The following SYDE1 variants were observed in gnomAD, a reference collection of about 807,000 sequenced individuals.
The protein encoded by SYDE1 is rho GTPase-activating protein SYDE1.
SYDE1 carries 34 observed loss-of-function variants against 63.3 expected under a neutral mutation model. That is an observed-to-expected ratio of 0.54 (90% CI 0.41 to 0.71). The LOEUF (loss-of-function observed/expected upper bound fraction) is 0.71. Ranked by LOEUF, SYDE1 falls within the 30% of genes least tolerant of loss-of-function variation. The pLI is 0.00. For synonymous variants in SYDE1, 467 were observed against 473.4 expected (o/e 0.99, Z 0.18); for missense variants, 925 against 1,042.5 (o/e 0.89, Z 1.55).
chr19:15,110,115 C>G lies in SYDE1; in HGVS notation c.842C>G (p.Ala281Gly). The G allele has an allele frequency of 7.1e-7, 1 of 1,408,772 alleles. No individual in the cohort carries two copies. The highest frequency in any genetic ancestry group is 9.2e-7 in the Non-Finnish European group (1 of 1,088,442). The allele number at this position is 1,408,772 out of a possible 1,614,324, so 87.3% of individuals were successfully genotyped here. Residue 281 changes from alanine to glycine, a missense_variant, in exon 3 of 8, where the codon GCG (alanine) becomes GGG (glycine). Around this residue, in one of 3 missense-constraint regions of SYDE1, gnomAD observed 599 missense variants for 653.7 expected, o/e 0.92. Coordinates refer to ENST00000342784, the MANE Select transcript of SYDE1 (RefSeq NM_033025.6). This position sits in a 1 kb window ranked among gnomAD's most constrained non-coding sequence, Gnocchi z 6.9. ...HLYGLGGLRP[A>G]PGATPRDLCC... ...TACGGTCTCGGGGGGCTGCGGCCAG[C>G]GCCGGGGGCCACCCCCAGGGACCTC...
rs772069800 is a variant in SYDE1 at position 15,109,275 on chromosome 19, C to A, written c.308C>A (p.Thr103Asn). The A allele has an allele frequency of 1.9e-6, 3 of 1,611,638 alleles. No homozygotes were observed. The highest frequency in any genetic ancestry group is 1.3e-5 in the African/African-American group (1 of 75,004). ...DTSLGPGVPG[T>N]GEPAGEIWYN... ...TCTTTAGGGCCTGGGGTACCTGGCA[C>A]TGGGGAGCCCGCCGGCGAGATCTGG... The change falls in exon 2 of 8, where the codon ACT becomes AAT. Residue 103 changes from threonine to asparagine, a missense_variant. Thr to Asn is a moderately conservative substitution (Grantham distance 65, BLOSUM62 0). Around this residue, in one of 3 missense-constraint regions of SYDE1, gnomAD observed 599 missense variants for 653.7 expected, o/e 0.92. Coordinates refer to ENST00000342784, the MANE Select transcript of SYDE1 (RefSeq NM_033025.6). The surrounding 1 kb of genome is among the most constrained non-coding windows in gnomAD (Gnocchi z 5.0).
Position 15,109,070 on chromosome 19 carries a change from C to T in SYDE1, c.103C>T (p.Arg35Cys), listed in dbSNP as rs2046323834. ...DAKERGHPAQRPEPSPPEPEP... is the reference protein window; with the variant it reads ...DAKERGHPAQCPEPSPPEPEP... ...CTCTCTGCCAGGCCACCCAGCCCAGCGCCCAGAGCCCAGCCCTCCAGAGCC... is the reference window on the plus strand; with the variant it reads ...CTCTCTGCCAGGCCACCCAGCCCAGTGCCCAGAGCCCAGCCCTCCAGAGCC... Residue 35 changes from arginine to cysteine, a missense_variant, in exon 2 of 8, where the codon CGC (arginine) becomes TGC (cysteine). This residue lies in a region of SYDE1 where 599 missense variants were observed against 653.7 expected (regional missense o/e 0.92). Coordinates refer to ENST00000342784, the MANE Select transcript of SYDE1 (RefSeq NM_033025.6). This position sits in a 1 kb window ranked among gnomAD's most constrained non-coding sequence, Gnocchi z 5.0. 1.3e-6 allele frequency: 2 copies of T among 1,501,636 alleles called. No homozygotes were observed. Among genetic ancestry groups the T allele is most frequent in the Non-Finnish European group, 1.8e-6 (2 of 1,129,484 alleles). 93.0% of individuals were successfully genotyped at this position (1,501,636 alleles called of 1,614,324 possible). A position where few individuals can be genotyped will look rare whatever the true frequency, so the allele number is the denominator to read the frequency against.
Position 15,109,425 on chromosome 19 carries a change from C to A in SYDE1, c.430+28C>A. The A allele has an allele frequency of 6.6e-7, 1 of 1,510,826 alleles. No homozygotes were observed. Among genetic ancestry groups the A allele is most frequent in the East Asian group, 2.3e-5 (1 of 43,430 alleles). 93.6% of individuals were successfully genotyped at this position (1,510,826 alleles called of 1,614,324 possible). A position where few individuals can be genotyped will look rare whatever the true frequency, so the allele number is the denominator to read the frequency against. On this transcript the variant is annotated intron_variant, in intron 2 of 7. Transcript: ENST00000342784. The surrounding 1 kb of genome is among the most constrained non-coding windows in gnomAD (Gnocchi z 5.0). The stretch of plus-strand genomic sequence containing the variant: ...AAGAACAAGCTTCCCATCCCCTTCC[C>A]CAAGGTGAGCACCAGCTCCACATCC...
chr19:15,110,307 CCTGTGCCCAGGGCACCGTG>C lies in SYDE1; in HGVS notation c.1038_1056del (p.Ala347CysfsTer27). ...GACCCTGGCGTGAGAAGGCACCGGC[CCTGTGCCCAGGGCACCGTG>C]CTGCTGCCCACGGTCTTCCGAGGTA... On this transcript the variant is annotated frameshift_variant, in exon 3 of 8. Transcript: ENST00000342784. LOFTEE classifies it high-confidence loss of function. The surrounding 1 kb of genome is among the most constrained non-coding windows in gnomAD (Gnocchi z 6.9). 1 of 1,425,196 alleles carries C rather than the reference CCTGTGCCCAGGGCACCGTG, an allele frequency of 7.0e-7. No homozygotes were observed. Among genetic ancestry groups the C allele is most frequent in the South Asian group, 1.5e-5 (1 of 65,926 alleles). 88.3% of individuals were successfully genotyped at this position (1,425,196 alleles called of 1,614,324 possible). A position where few individuals can be genotyped will look rare whatever the true frequency, so the allele number is the denominator to read the frequency against.
At position 15,113,981 on chromosome 19, in the gene SYDE1, G is replaced by C; in HGVS notation, c.*18G>C. 1.2e-6 allele frequency: 2 copies of C among 1,601,978 alleles called. No individual in the cohort carries two copies. Among genetic ancestry groups the C allele is most frequent in the Non-Finnish European group, 1.7e-6 (2 of 1,172,492 alleles). ...GCCTCTGAGCCAGATGACGGGGTGG[G>C]ACCCCGGTTAGTAAGGACCGGGCGC... On this transcript the variant is annotated 3_prime_UTR_variant, in exon 8 of 8. Coordinates refer to ENST00000342784, the MANE Select transcript of SYDE1 (RefSeq NM_033025.6).
Position 15,114,638 on chromosome 19 carries a change from C to CT in SYDE1, c.*675_*676insT, listed in dbSNP as rs59893213. The CT allele has an allele frequency of 8.4e-5, 12 of 143,606 alleles. No homozygotes were observed. Among genetic ancestry groups the CT allele is most frequent in the Admixed American group, 1.4e-4 (2 of 14,144 alleles). 8.9% of individuals were successfully genotyped at this position (143,606 alleles called of 1,614,324 possible). A position where few individuals can be genotyped will look rare whatever the true frequency, so the allele number is the denominator to read the frequency against. ...CTTGCCCCCCCCTTGCCCCCCCCCC[C>CT]GAAAAAAATTGAGCACTTAAACCCC... is the stretch of plus-strand genomic sequence containing the variant. On this transcript the variant is annotated 3_prime_UTR_variant, in exon 8 of 8. Transcript: ENST00000342784.
rs2046328046 is a variant in SYDE1, at chr19:15,109,528, G to A, written c.430+131G>A. 3 of 1,178,824 alleles carry A rather than the reference G, an allele frequency of 2.5e-6. No individual in the cohort carries two copies. Among genetic ancestry groups the A allele is most frequent in the Admixed American group, 2.9e-5 (1 of 33,948 alleles). 73.0% of individuals were successfully genotyped at this position (1,178,824 alleles called of 1,614,324 possible). A position where few individuals can be genotyped will look rare whatever the true frequency, so the allele number is the denominator to read the frequency against. On this transcript the variant is annotated intron_variant, in intron 2 of 7. Coordinates refer to ENST00000342784, the MANE Select transcript of SYDE1 (RefSeq NM_033025.6). The surrounding 1 kb of genome is among the most constrained non-coding windows in gnomAD (Gnocchi z 5.0). The stretch of plus-strand genomic sequence containing the variant: ...AACCTCACACTCCTTCCCTTCAGGG[G>A]AGCACCAGCCTCACATCCCCACCCC...
chr19:15,107,569 C>A, intron 1 of SYDE1, 48 bp downstream of exon 1: 1 of 1,444,364 alleles, frequency 6.9e-7, no homozygotes, highest in Non-Finnish European at 9.4e-7. Context: ...CCCACCCGGC[C>A]TGGGAGCGGG....
chr19:15,113,747 C>T lies in SYDE1; in HGVS notation c.1992C>T (p.Pro664=), dbSNP rs1599326466. 6.2e-7 allele frequency: 1 copy of T among 1,613,844 alleles called. No homozygotes were observed. The highest frequency in any genetic ancestry group is 8.5e-7 in the Non-Finnish European group (1 of 1,179,886). ...GCGTTTGCGGGCGGGACTTCCTGCC[C>T]TGTGGGCGGGATTTCCTGTCCGGGC... ...DWSVCGRDFL[P]CGRDFLSGPD... Residue 664 remains proline (P), a synonymous_variant, in exon 8 of 8, where the codon CCC becomes CCT. Transcript: ENST00000342784.
rs2046368925 is a variant in SYDE1 at position 15,114,400 on chromosome 19, T to C, written c.*437T>C. 1 of 175,300 alleles carries C rather than the reference T, an allele frequency of 5.7e-6. No individual in the cohort carries two copies. The highest frequency in any genetic ancestry group is 1.2e-5 in the Non-Finnish European group (1 of 82,376). The allele number at this position is 175,300 out of a possible 1,614,324, so 10.9% of individuals were successfully genotyped here. A position where few individuals can be genotyped will look rare whatever the true frequency, so the allele number is the denominator to read the frequency against. The stretch of plus-strand genomic sequence containing the variant: ...TCAGTATTAGCTTTGAGCACTGCAC[T>C]GTTTCTCCCTCCCTTGGACGACACA... On this transcript the variant is annotated 3_prime_UTR_variant, in exon 8 of 8. Transcript: ENST00000342784.
rs552766277 is a variant in SYDE1 at position 15,111,530 on chromosome 19, A to G, written c.1417+91A>G. 175 of 1,597,884 alleles carry G rather than the reference A, an allele frequency of 1.1e-4. No individual in the cohort carries two copies. The African/African-American group carries it at 2.0e-3, about 18-fold the overall frequency. ...GCTCCTCTGGGACCTCAGTCCTCCT[A>G]TCTGACCTTGCTTTCACCCACCTCC... is the stretch of plus-strand genomic sequence containing the variant. On this transcript the variant is annotated intron_variant, in intron 5 of 7. Transcript: ENST00000342784. The surrounding 1 kb of genome is among the most constrained non-coding windows in gnomAD (Gnocchi z 5.5).
In SYDE1 at chr19:15,112,544, C is replaced by T; in HGVS notation, c.1777C>T (p.Leu593=). ...AVDFKHHIEV[L]HYLLQSWPDP... ...GGACTTCAAGCACCACATCGAGGTG[C>T]TGCACTACCTGCTGCAGTCTTGGCC... is the stretch of plus-strand genomic sequence containing the variant. The change falls in exon 7 of 8, where the codon CTG becomes TTG. Residue 593 remains leucine, a synonymous_variant. Transcript: ENST00000342784. 1 of 1,592,264 alleles carries T rather than the reference C, an allele frequency of 6.3e-7. No homozygotes were observed. Among genetic ancestry groups the T allele is most frequent in the Non-Finnish European group, 8.6e-7 (1 of 1,169,082 alleles).
rs1017048843 is a variant in SYDE1, at chr19:15,109,654, C to T, written c.431-50C>T. On this transcript the variant is annotated intron_variant, in intron 2 of 7. Coordinates refer to ENST00000342784, the MANE Select transcript of SYDE1 (RefSeq NM_033025.6). The surrounding 1 kb of genome is among the most constrained non-coding windows in gnomAD (Gnocchi z 5.0). ...CTTCAGGGGAGCACCAGCCTCACCC[C>T]CCTCCCCTAAGCCCAGGTTCCTGGA... 7 of 1,179,906 alleles carry T rather than the reference C, an allele frequency of 5.9e-6. No individual in the cohort carries two copies. The highest frequency in any genetic ancestry group is 5.6e-5 in the Admixed American group (2 of 35,472). 73.1% of individuals were successfully genotyped at this position (1,179,906 alleles called of 1,614,324 possible).
Position 15,110,385 on chromosome 19 carries a change from C to CCAAA in SYDE1, c.1075+38_1075+39insAAAC. 1 of 1,440,530 alleles carries CCAAA rather than the reference C, an allele frequency of 6.9e-7. No individual in the cohort carries two copies. Among genetic ancestry groups the CCAAA allele is most frequent in the Non-Finnish European group, 9.1e-7 (1 of 1,097,712 alleles). The allele number at this position is 1,440,530 out of a possible 1,614,324, so 89.2% of individuals were successfully genotyped here. ...GGCTGCAGGGGAGGAGGGGCAGGGA[C>CCAAA]CCCCAAACCCCACCGCCACCCCCCG... On this transcript the variant is annotated intron_variant, in intron 3 of 7. Transcript: ENST00000342784. The surrounding 1 kb of genome is among the most constrained non-coding windows in gnomAD (Gnocchi z 6.9).
Position 15,113,676 on chromosome 19 carries a change from G to A in SYDE1, c.1921G>A (p.Gly641Arg). 1 of 1,613,298 alleles carries A rather than the reference G, an allele frequency of 6.2e-7. No individual in the cohort carries two copies. The highest frequency in any genetic ancestry group is 8.5e-7 in the Non-Finnish European group (1 of 1,179,824). Residue 641 changes from glycine (G) to arginine (R), a missense_variant, in exon 8 of 8, where the codon GGA (glycine) becomes AGA (arginine). Gly to Arg is a moderately radical substitution (Grantham distance 125). Around this residue, in one of 3 missense-constraint regions of SYDE1, gnomAD observed 255 missense variants for 255.9 expected, o/e 1.00. Coordinates refer to ENST00000342784, the MANE Select transcript of SYDE1 (RefSeq NM_033025.6). ...PEVVTRPRGR[G>R]GPESPPSNRY... ...AGTGGTGACTCGGCCCCGCGGTCGA[G>A]GAGGCCCCGAAAGCCCCCCGAGCAA...
At position 15,109,327 on chromosome 19, in the gene SYDE1, C is replaced by T. The variant is rs951427513; in HGVS notation, c.360C>T (p.Pro120=). The T allele has an allele frequency of 1.2e-6, 2 of 1,609,074 alleles. No individual in the cohort carries two copies. Among genetic ancestry groups the T allele is most frequent in the African/African-American group, 2.7e-5 (2 of 74,882 alleles). ...ACAACCCCATCCCTGAGGAAGACCC[C>T]AGACCTCCAGCACCTGAGCCCCCGG... ...IWYNPIPEED[P]RPPAPEPPGP... The change falls in exon 2 of 8, where the codon CCC becomes CCT. Residue 120 remains proline (P), a synonymous_variant. Transcript: ENST00000342784. This position sits in a 1 kb window ranked among gnomAD's most constrained non-coding sequence, Gnocchi z 5.0.
Position 15,108,952 on chromosome 19 carries a change from C to G in SYDE1, c.89-104C>G, listed in dbSNP as rs1393467628. On this transcript the variant is annotated intron_variant, in intron 1 of 7. Coordinates refer to ENST00000342784, the MANE Select transcript of SYDE1 (RefSeq NM_033025.6). The surrounding 1 kb of genome is among the most constrained non-coding windows in gnomAD (Gnocchi z 4.3). ...CAAGGAACCATGACTTATCAGGGGC[C>G]GGCCAGGGCCGTACACAGCATCCCA... The G allele has an allele frequency of 1.4e-6, 2 of 1,406,776 alleles. No homozygotes were observed. The highest frequency in any genetic ancestry group is 1.8e-6 in the Non-Finnish European group (2 of 1,084,084). The allele number at this position is 1,406,776 out of a possible 1,614,324, so 87.1% of individuals were successfully genotyped here. A position where few individuals can be genotyped will look rare whatever the true frequency, so the allele number is the denominator to read the frequency against.
chr19:15,109,689 C>CT lies in SYDE1; in HGVS notation c.431-14dup, dbSNP rs1225576804. 6.8e-7 allele frequency: 1 copy of CT among 1,462,916 alleles called. No homozygotes were observed. Among genetic ancestry groups the CT allele is most frequent in the Admixed American group, 2.4e-5 (1 of 42,498 alleles). 90.6% of individuals were successfully genotyped at this position (1,462,916 alleles called of 1,614,324 possible). On this transcript the variant is annotated splice_polypyrimidine_tract_variant and intron_variant, in intron 2 of 7. Transcript: ENST00000342784. The surrounding 1 kb of genome is among the most constrained non-coding windows in gnomAD (Gnocchi z 5.0). Reference sequence around the variant, plus strand: ...AGCCCAGGTTCCTGGACCCTGAAGTCTGCTCTCCACACAGGTGCAGCCCCC... The same window carrying CT: ...AGCCCAGGTTCCTGGACCCTGAAGTCTTGCTCTCCACACAGGTGCAGCCCCC...
chr19:15,111,682 C>A lies in SYDE1; in HGVS notation c.1468C>A (p.Pro490Thr). The A allele has an allele frequency of 6.2e-7, 1 of 1,613,700 alleles. No homozygotes were observed. The highest frequency in any genetic ancestry group is 8.5e-7 in the Non-Finnish European group (1 of 1,179,766). The part of the protein sequence containing the change: ...RELPTPLITQ[P>T]LYKVVLEAMA... Reference sequence around the variant, plus strand: ...GTTGCCCACCCCACTCATCACCCAGCCCCTGTATAAGGTGGTACTGGAGGC... The same window carrying A: ...GTTGCCCACCCCACTCATCACCCAGACCCTGTATAAGGTGGTACTGGAGGC... Residue 490 changes from proline to threonine, a missense_variant, in exon 6 of 8, where the codon CCC (proline) becomes ACC (threonine). Pro to Thr is a conservative substitution (Grantham distance 38). This residue lies in a region of SYDE1 where 71 missense variants were observed against 132.8 expected (regional missense o/e 0.53). Transcript: ENST00000342784. The surrounding 1 kb of genome is among the most constrained non-coding windows in gnomAD (Gnocchi z 5.5).
Sources: allele counts gnomAD v4.1 joint callset, GRCh38; gene constraint gnomAD v4.1.1; regional missense constraint gnomAD v4.1.1; non-coding constraint Gnocchi (gnomAD v3.1); transcripts MANE v1.5; gene names NCBI Gene and HGNC (gene_info 2026-07-23, HGNC 2026-07-21).